Variants in TTC7B observed in about 807,000 individuals in gnomAD.
TTC7B encodes tetratricopeptide repeat domain 7B, also known as tetratricopeptide repeat protein 7B.
In TTC7B, 28 loss-of-function variants were observed where a neutral mutation model predicts 106.8. That is an observed-to-expected ratio of 0.26 (90% confidence interval 0.19 to 0.36). The LOEUF (loss-of-function observed/expected upper bound fraction) is 0.36, where lower values mean the gene tolerates loss of function less well. Among genes scored for constraint, TTC7B ranks in the 10% least tolerant of loss-of-function variants. The pLI is 1.00. For missense variants in TTC7B, 862 were observed against 1,076.4 expected (o/e 0.80, Z 2.79); for synonymous variants, 405 against 430.6 (o/e 0.94, Z 0.74).
At chr14:90,599,333 C>A (rs1469041963) in intron 17 of TTC7B, among the ~76,000 whole-genome samples, 1 of 152,172 alleles carries the variant, frequency 6.6e-6, no homozygotes. Flanking sequence ...GGACCCCTCG[C>A]CTTCCCTCTC....
chr14:90,656,278 C>T (rs765199801), intron 11 of TTC7B, among the ~76,000 whole-genome samples: 7 of 152,182 alleles, frequency 4.6e-5, no homozygotes, highest in Non-Finnish European at 7.3e-5. Flanking sequence ...TAAGATGCTT[C>T]GGTCTTTTTT....
chr14:90,568,763 G>T (rs554153843), intron 19 of TTC7B, among the ~76,000 whole-genome samples: 2 of 152,336 alleles, frequency 1.3e-5, no homozygotes, highest in Admixed American at 6.5e-5. Context: ...GAGCAGGAGG[G>T]TTGCTGGGGA....
At chr14:90,579,800 A>AAAAC (rs1215515415) in intron 18 of TTC7B, among the ~76,000 whole-genome samples, 4 of 152,232 alleles carry the variant, frequency 2.6e-5, no homozygotes, top group Non-Finnish European at 2.9e-5. Flanking sequence ...AAAACAAAAC[A>AAAAC]AAACAAAAAA....
rs181777371 is a variant in TTC7B, at chr14:90,737,244, A to G, written c.577-7048T>C. Among the ~76,000 whole-genome samples the G allele has an allele frequency of 2.3e-3, 347 of 152,334 alleles. 6 individuals are homozygous for G. Among genetic ancestry groups the G allele is most frequent in the African/African-American group, 8.1e-3 (337 of 41,576 alleles). ...AAAGGGTTAAACATAAAGTTACCAC[A>G]TGACCCAGAAATTCCACTGGTAAAT... On this transcript the variant is annotated intron_variant, in intron 4 of 19. Transcript: ENST00000328459.
At chr14:90,791,177 TGAACACCTAC>T (rs761056792) in intron 1 of TTC7B, among the ~76,000 whole-genome samples, 17 of 152,114 alleles carry the variant, frequency 1.1e-4, no homozygotes, top group Non-Finnish European at 1.9e-4. Context: ...CGCTACTTAG[TGAACACCTAC>T]GAATATTCCA....
intron 17 of TTC7B, among the ~76,000 whole-genome samples, chr14:90,606,244 G>A (rs995385532): frequency 1.3e-5 from 2 of 152,174 alleles, no homozygotes; most frequent in Non-Finnish European, 2.9e-5. Flanking sequence ...TGACAAGGGG[G>A]TGCTAAGCTT....
intron 19 of TTC7B, among the ~76,000 whole-genome samples, chr14:90,560,995 T>C (rs948925994): frequency 1.2e-4 from 19 of 152,304 alleles, no homozygotes; most frequent in South Asian, 2.1e-4. Flanking sequence ...CCTGGAAAAA[T>C]GCATGTTGTC....
chr14:90,735,197 T>C (rs1889471891), intron 4 of TTC7B, among the ~76,000 whole-genome samples: 1 of 152,188 alleles, frequency 6.6e-6, no homozygotes, highest in Non-Finnish European at 1.5e-5. Flanking sequence ...CATTTATATG[T>C]TAAAATATAA....
chr14:90,582,304 C>A (rs1891530890), intron 18 of TTC7B, among the ~76,000 whole-genome samples: 1 of 152,234 alleles, frequency 6.6e-6, no homozygotes, highest in Non-Finnish European at 1.5e-5. Context: ...GAACTTGGTT[C>A]TTGGCCCTGC....
intron 3 of TTC7B, among the ~76,000 whole-genome samples, chr14:90,752,924 G>A (rs995627392): frequency 6.6e-6 from 1 of 152,130 alleles, no homozygotes; most frequent in African/African-American, 2.4e-5. Context: ...AGAACTTTAG[G>A]GTGCTGATTT....
intron 1 of TTC7B, among the ~76,000 whole-genome samples, chr14:90,803,505 G>C (rs1343713132): frequency 6.6e-6 from 1 of 152,172 alleles, no homozygotes; most frequent in African/African-American, 2.4e-5. Context: ...CAGGGCTCCT[G>C]CTGGTTCCTC....
chr14:90,602,829 C>T (rs1892484173), intron 17 of TTC7B, among the ~76,000 whole-genome samples: 1 of 152,100 alleles, frequency 6.6e-6, no homozygotes, highest in Non-Finnish European at 1.5e-5. Flanking sequence ...GAATTGCTCT[C>T]CTATGCAACA....
At chr14:90,815,043 TG>T (rs909002529) in intron 1 of TTC7B, among the ~76,000 whole-genome samples, 4 of 152,214 alleles carry the variant, frequency 2.6e-5, no homozygotes, top group African/African-American at 9.7e-5. Context: ...CTCTCCTTTC[TG>T]GGTAGTCTGA....
chr14:90,610,696 C>T (rs377034490), intron 17 of TTC7B, 46 bp downstream of exon 17: 12 of 1,402,138 alleles, frequency 8.6e-6, no homozygotes, highest in African/African-American at 5.7e-5. Context: ...CAGGCCCCCA[C>T]ATTCTCCATT....
intron 19 of TTC7B, among the ~76,000 whole-genome samples, chr14:90,568,227 C>T (rs765670878): frequency 5.9e-5 from 9 of 152,070 alleles, no homozygotes; most frequent in East Asian, 1.9e-4. Flanking sequence ...AAGTAAGGAG[C>T]GGGAATCGGG....
chr14:90,799,979 C>A (rs1352805106), intron 1 of TTC7B, among the ~76,000 whole-genome samples: 1 of 152,038 alleles, frequency 6.6e-6, no homozygotes, highest in African/African-American at 2.4e-5. Context: ...ACTACAGGCG[C>A]CCGCCACCAC....
chr14:90,677,577 T>A (rs1276991715), intron 8 of TTC7B, among the ~76,000 whole-genome samples: 3 of 152,210 alleles, frequency 2.0e-5, no homozygotes, highest in Non-Finnish European at 2.9e-5. Context: ...TTTTTCCCTC[T>A]GCTAATTAAC....
intron 1 of TTC7B, among the ~76,000 whole-genome samples, chr14:90,803,057 C>T (rs567345439): frequency 9.9e-5 from 15 of 151,876 alleles, no homozygotes; most frequent in African/African-American, 3.1e-4. Flanking sequence ...GCAGGAGAAT[C>T]GCTTGAAACC....
intron 1 of TTC7B, among the ~76,000 whole-genome samples, chr14:90,814,255 A>G (rs1000672955): frequency 1.3e-5 from 2 of 152,210 alleles, no homozygotes; most frequent in Non-Finnish European, 2.9e-5. Flanking sequence ...GAAGGTGAAT[A>G]GGAAGGGCCC....
Sources: allele counts gnomAD v4.1 joint callset (sites outside exome capture counted in the v4.1 genomes callset), GRCh38; gene constraint gnomAD v4.1.1; transcripts MANE v1.5; gene names NCBI Gene and HGNC (gene_info 2026-07-23, HGNC 2026-07-21).